RANBP2: variants seen among roughly 807,000 people sequenced by gnomAD.
RANBP2 encodes the protein RAN binding protein 2.
A neutral mutation model predicts 303.6 loss-of-function variants in RANBP2; 57 were observed. The ratio of observed to expected loss-of-function variants is 0.19; its 90% CI spans 0.15 to 0.23. The LOEUF (loss-of-function observed/expected upper bound fraction) is 0.23. RANBP2 is among the 10% of genes least tolerant of loss of function. The probability of loss-of-function intolerance (pLI) is 1.00; values close to 1 mark genes in which losing one functional copy is unlikely to be tolerated. For missense variants in RANBP2, 3,138 were observed against 3,780.8 expected, an observed-to-expected ratio of 0.83 and a Z score of 4.46; for synonymous variants, 1,167 against 1,301.5, an observed-to-expected ratio of 0.90 and a Z score of 2.23.
chr2:109,484,727 A>G, the RANBP2 span, among the ~76,000 whole-genome samples: 2 of 152,322 alleles, frequency 1.3e-5, no homozygotes, highest in African/African-American at 4.8e-5. Flanking sequence ...AAAAGGGTAT[A>G]ACAAAACTGA....
At chr2:109,275,135 C>T in the RANBP2 span, among the ~76,000 whole-genome samples, 1 of 152,156 alleles carries the variant, frequency 6.6e-6, no homozygotes, top group Non-Finnish European at 1.5e-5. Context: ...ATTATCACCA[C>T]AGCAAGAGCC....
chr2:109,539,970 G>T, the RANBP2 span, among the ~76,000 whole-genome samples: 1 of 152,152 alleles, frequency 6.6e-6, no homozygotes. Flanking sequence ...GGCAGATGAT[G>T]AAGGCTGCCA....
At chr2:109,046,102 AGACCATCCTGGCTAACAG>A in the RANBP2 span, among the ~76,000 whole-genome samples, 98 of 152,136 alleles carry the variant, frequency 6.4e-4, 1 homozygote, top group Non-Finnish European at 8.2e-4. Flanking sequence ...CAGGAGATTG[AGACCATCCTGGCTAACAG>A]GGTGAAACCC....
At chr2:109,171,840 A>G in the RANBP2 span, among the ~76,000 whole-genome samples, 3 of 152,268 alleles carry the variant, frequency 2.0e-5, no homozygotes, top group African/African-American at 7.2e-5. Flanking sequence ...TCATCCAGGA[A>G]TGAAGATGTT....
the RANBP2 span, among the ~76,000 whole-genome samples, chr2:109,739,374 G>A: frequency 6.7e-6 from 1 of 149,956 alleles, no homozygotes; most frequent in Non-Finnish European, 1.5e-5. Context: ...ATCCATAAAT[G>A]TGGAATATCT....
At chr2:109,509,179 C>T in the RANBP2 span, among the ~76,000 whole-genome samples, 1 of 152,164 alleles carries the variant, frequency 6.6e-6, no homozygotes, top group South Asian at 2.1e-4. Context: ...ACCAGGGTCA[C>T]GGAGATGAAT....
the RANBP2 span, among the ~76,000 whole-genome samples, chr2:109,010,935 C>T: frequency 1.3e-5 from 2 of 152,120 alleles, no homozygotes; most frequent in South Asian, 4.1e-4. Context: ...TGAGCTGCAA[C>T]CACTCCTGGT....
At chr2:108,898,211 A>T in the RANBP2 span, among the ~76,000 whole-genome samples, 1 of 152,086 alleles carries the variant, frequency 6.6e-6, no homozygotes, top group Non-Finnish European at 1.5e-5. Context: ...TTCCACCCTC[A>T]CCAGGCTGTA....
the RANBP2 span, chr2:109,585,068 T>C: frequency 1.9e-6 from 2 of 1,041,772 alleles, no homozygotes; most frequent in Admixed American, 2.5e-5. Flanking sequence ...CATGGGGCTA[T>C]AAGGCGAATG....
chr2:109,371,838 C>G, the RANBP2 span, among the ~76,000 whole-genome samples: 6 of 152,190 alleles, frequency 3.9e-5, no homozygotes, highest in Admixed American at 3.9e-4. Flanking sequence ...GGCTTTGATT[C>G]ACCTCATGGG....
the RANBP2 span, chr2:109,574,544 T>C: frequency 3.8e-6 from 5 of 1,300,648 alleles, no homozygotes; most frequent in African/African-American, 3.0e-5. Context: ...AAAATAAATA[T>C]TAAAGTATGG....
chr2:109,764,413 T>A, the RANBP2 span, among the ~76,000 whole-genome samples: 4 of 147,816 alleles, frequency 2.7e-5, no homozygotes, highest in African/African-American at 1.0e-4. Context: ...GACCATCCCT[T>A]TTAACAGGCT....
At chr2:109,322,806 T>G in the RANBP2 span, among the ~76,000 whole-genome samples, 1 of 152,264 alleles carries the variant, frequency 6.6e-6, no homozygotes, top group Non-Finnish European at 1.5e-5. Context: ...ATCAGGCTTC[T>G]GGTGCCTGCA....
At chr2:109,226,306 AT>A in the RANBP2 span, among the ~76,000 whole-genome samples, 2 of 152,166 alleles carry the variant, frequency 1.3e-5, no homozygotes, top group Non-Finnish European at 2.9e-5. Flanking sequence ...CAATAAGCTC[AT>A]TTTGAACATG....
chr2:109,001,047 T>G, the RANBP2 span, among the ~76,000 whole-genome samples: 12 of 152,256 alleles, frequency 7.9e-5, no homozygotes, highest in African/African-American at 2.9e-4. Flanking sequence ...CTCACCCCAT[T>G]GTAGGTTTCC....
At chr2:108,814,499 A>G in the RANBP2 span, among the ~76,000 whole-genome samples, 1 of 152,064 alleles carries the variant, frequency 6.6e-6, no homozygotes, top group Non-Finnish European at 1.5e-5. Flanking sequence ...TGAGAAAGTG[A>G]AAAATTGCTC....
the RANBP2 span, among the ~76,000 whole-genome samples, chr2:109,374,055 A>G: frequency 1.3e-5 from 2 of 152,060 alleles, no homozygotes; most frequent in African/African-American, 2.4e-5. Context: ...CTGAAAAGCC[A>G]CCTTAAAGCC....
chr2:108,914,691 G>A, the RANBP2 span, among the ~76,000 whole-genome samples: 1 of 152,334 alleles, frequency 6.6e-6, no homozygotes, highest in African/African-American at 2.4e-5. Flanking sequence ...TGCTTCAAAT[G>A]CATCTCCCAC....
chr2:108,764,984 A>G lies in RANBP2; in HGVS notation c.4445A>G (p.Gln1482Arg), dbSNP rs1677015230. The change falls in exon 20 of 29, where the codon CAG (glutamine) becomes CGG (arginine). Residue 1482 changes from glutamine to arginine, a missense_variant. This residue lies in a region of RANBP2 where 388 missense variants were observed against 328.5 expected (regional missense o/e 1.18). Coordinates refer to ENST00000283195, the MANE Select transcript of RANBP2 (RefSeq NM_006267.5). The stretch of plus-strand genomic sequence containing the variant: ...TCTGTTTTTTCTACAAAGGAAGGAC[A>G]GTGGGATTGCAGTGCATGTTTGGTA... ...FRSVFSTKEG[Q>R]WDCSACLVQN... 3.7e-6 allele frequency: 6 copies of G among 1,613,996 alleles called. No individual in the cohort carries two copies. The highest frequency in any genetic ancestry group is 1.3e-5 in the African/African-American group (1 of 74,944).
Sources: allele counts gnomAD v4.1 joint callset (sites outside exome capture counted in the v4.1 genomes callset), GRCh38; gene constraint gnomAD v4.1.1; regional missense constraint gnomAD v4.1.1; transcripts MANE v1.5; gene names NCBI Gene and HGNC (gene_info 2026-07-23, HGNC 2026-07-21).